Variants in PTPRD observed in about 807,000 individuals in gnomAD.
PTPRD encodes receptor-type tyrosine-protein phosphatase delta.
A neutral mutation model predicts 214.5 loss-of-function variants in PTPRD; 34 were observed. The observed-to-expected ratio is 0.16, with a 90% confidence interval of 0.12 to 0.21. The LOEUF is 0.21. Ranked by LOEUF, PTPRD falls within the 10% of genes least tolerant of loss-of-function variation. The pLI, the probability that PTPRD is intolerant of heterozygous loss-of-function variation, is 1.00. For synonymous variants in PTPRD, 1,128 were observed against 845.7 expected (o/e 1.33, Z -5.79); for missense variants, 2,545 against 2,398.7 (o/e 1.06, Z -1.27).
At chr9:10,606,038 C>A (rs1339280143) in intron 2 of PTPRD, among the ~76,000 whole-genome samples, 3 of 151,596 alleles carry the variant, frequency 2.0e-5, no homozygotes, top group Non-Finnish European at 4.4e-5. Context: ...GAATATGGTA[C>A]CTGAATTATT....
chr9:9,324,533 G>T (rs957842606), intron 9 of PTPRD, among the ~76,000 whole-genome samples: 7 of 152,092 alleles, frequency 4.6e-5, no homozygotes. Flanking sequence ...TTTTTGATGG[G>T]GTTGTTTGAT....
At chr9:9,719,856 C>T (rs1012708433) in intron 7 of PTPRD, among the ~76,000 whole-genome samples, 1 of 152,214 alleles carries the variant, frequency 6.6e-6, no homozygotes, top group African/African-American at 2.4e-5. Flanking sequence ...TTGCAGTACA[C>T]CTGGTCCAGT....
At chr9:10,597,873 T>A (rs998736949) in intron 2 of PTPRD, among the ~76,000 whole-genome samples, 1 of 151,956 alleles carries the variant, frequency 6.6e-6, no homozygotes, top group Non-Finnish European at 1.5e-5. Flanking sequence ...CCATTGAACA[T>A]TGAGTCTTTC....
chr9:10,579,796 C>T lies in PTPRD; in HGVS notation c.-600+32602G>A, dbSNP rs77311131. Among the ~76,000 whole-genome samples the T allele has an allele frequency of 1.2e-3, 176 of 152,224 alleles. 1 individual carries two copies. The highest frequency in any genetic ancestry group is 4.1e-3 in the African/African-American group (170 of 41,554). ...TAATATTTTTTGATATTTTTAATAGCCGTTCTAACTGGTGTGAGATAATTC... is the reference window on the plus strand; with the variant it reads ...TAATATTTTTTGATATTTTTAATAGTCGTTCTAACTGGTGTGAGATAATTC... On this transcript the variant is annotated intron_variant, in intron 2 of 45. Transcript: ENST00000381196.
At chr9:10,048,888 G>T (rs1366097133) in intron 3 of PTPRD, among the ~76,000 whole-genome samples, 1 of 151,938 alleles carries the variant, frequency 6.6e-6, no homozygotes, top group African/African-American at 2.4e-5. Flanking sequence ...AATTTAGCAA[G>T]CAGAAAGAGC....
At chr9:9,692,378 G>A (rs2097289442) in intron 7 of PTPRD, among the ~76,000 whole-genome samples, 1 of 152,010 alleles carries the variant, frequency 6.6e-6, no homozygotes, top group South Asian at 2.1e-4. Context: ...ATTTATTGAA[G>A]AGACTGTCTT....
chr9:9,224,344 A>G (rs1224013756), intron 9 of PTPRD, among the ~76,000 whole-genome samples: 2 of 151,908 alleles, frequency 1.3e-5, no homozygotes, highest in Non-Finnish European at 2.9e-5. Flanking sequence ...TTTCAGGAAA[A>G]TTTTCAATTT....
intron 5 of PTPRD, among the ~76,000 whole-genome samples, chr9:9,890,327 C>T (rs1601091659): frequency 6.6e-6 from 1 of 151,832 alleles, no homozygotes; most frequent in Admixed American, 6.6e-5. Flanking sequence ...CTCCCCAATA[C>T]CTGTAACTAC....
chr9:9,931,384 C>T (rs934143256), intron 5 of PTPRD, among the ~76,000 whole-genome samples: 6 of 152,204 alleles, frequency 3.9e-5, no homozygotes, highest in South Asian at 4.1e-4. Flanking sequence ...GTGCGTGAGC[C>T]GAAGCAGGGC....
intron 11 of PTPRD, among the ~76,000 whole-genome samples, chr9:8,747,128 G>A (rs977819272): frequency 1.3e-5 from 2 of 152,040 alleles, no homozygotes; most frequent in African/African-American, 2.4e-5. Flanking sequence ...ACTGAATATA[G>A]ACTGACCCTT....
At chr9:10,314,802 G>A (rs540757185) in intron 3 of PTPRD, among the ~76,000 whole-genome samples, 1 of 152,030 alleles carries the variant, frequency 6.6e-6, no homozygotes, top group East Asian at 1.9e-4. Flanking sequence ...AATGGTTGAG[G>A]CAGGATTAGA....
intron 14 of PTPRD, among the ~76,000 whole-genome samples, chr9:8,578,165 G>C (rs1476425790): frequency 6.6e-6 from 1 of 152,094 alleles, no homozygotes; most frequent in South Asian, 2.1e-4. Context: ...ATGTCAAGAC[G>C]ATAGCAGATA....
intron 6 of PTPRD, among the ~76,000 whole-genome samples, chr9:9,737,004 T>A (rs2154446761): frequency 6.6e-6 from 1 of 152,188 alleles, no homozygotes; most frequent in South Asian, 2.1e-4. Context: ...TATATACACA[T>A]CTGTATTTGC....
chr9:9,554,409 T>A lies in PTPRD; in HGVS notation c.-237+20323A>T, dbSNP rs529112719. Among the ~76,000 whole-genome samples, 8 of 144,354 alleles carry A rather than the reference T, an allele frequency of 5.5e-5. No individual in the cohort carries two copies. The East Asian group carries it at 9.7e-4, about 17-fold the overall frequency. 94.7% of individuals were successfully genotyped at this position (144,354 alleles called of 152,430 possible). A position where few individuals can be genotyped will look rare whatever the true frequency, so the allele number is the denominator to read the frequency against. Reference sequence around the variant, plus strand: ...CTGTGACAAATGGTCCTGTTTTATTTTTTTTTTTCTTTGATCCTACTCTTG... The same window carrying A: ...CTGTGACAAATGGTCCTGTTTTATTATTTTTTTTCTTTGATCCTACTCTTG... On this transcript the variant is annotated intron_variant, in intron 8 of 45. Transcript: ENST00000381196.
chr9:9,909,896 G>C (rs1370501694), intron 5 of PTPRD, among the ~76,000 whole-genome samples: 1 of 151,366 alleles, frequency 6.6e-6, no homozygotes, highest in Non-Finnish European at 1.5e-5. Context: ...TTTCTTTATA[G>C]TAAAGTAATA....
At chr9:9,943,928 C>G (rs1418600076) in intron 4 of PTPRD, among the ~76,000 whole-genome samples, 1 of 152,154 alleles carries the variant, frequency 6.6e-6, no homozygotes, top group Non-Finnish European at 1.5e-5. Context: ...TCACCAATGT[C>G]TCACTAAATA....
chr9:9,406,847 C>T (rs202181748), intron 8 of PTPRD, among the ~76,000 whole-genome samples: 3 of 145,498 alleles, frequency 2.1e-5, no homozygotes, highest in African/African-American at 2.5e-5. Flanking sequence ...TTTCTTCTTT[C>T]TTTTTTTTTT....
At chr9:10,148,178 C>A (rs1043675621) in intron 3 of PTPRD, among the ~76,000 whole-genome samples, 1 of 152,152 alleles carries the variant, frequency 6.6e-6, no homozygotes, top group Non-Finnish European at 1.5e-5. Context: ...GGTGGAGTTG[C>A]TGGTGTTCTT....
chr9:9,234,026 G>C (rs962781472), intron 9 of PTPRD, among the ~76,000 whole-genome samples: 1 of 152,122 alleles, frequency 6.6e-6, no homozygotes, highest in Non-Finnish European at 1.5e-5. Flanking sequence ...TGGGGACTCT[G>C]TGTGGGGGCT....
Sources: gnomAD v4.1 joint callset for allele counts (sites outside exome capture counted in the v4.1 genomes callset) on GRCh38, gnomAD v4.1.1 for gene constraint, MANE v1.5 for transcripts, NCBI Gene and HGNC (gene_info 2026-07-23, HGNC 2026-07-21) for gene names.